The following GSG1 variants were observed in gnomAD, a reference collection of about 807,000 sequenced individuals.
GSG1 encodes germ cell associated 1.
In GSG1, 28 loss-of-function variants were observed where a neutral mutation model predicts 30.8. That is an observed-to-expected ratio of 0.91 (90% CI 0.67 to 1.25). GSG1 has a LOEUF of 1.25. GSG1 is among the 50% of genes most tolerant of loss of function. The probability of loss-of-function intolerance (pLI) is 0.00; values close to 1 mark genes in which losing one functional copy is unlikely to be tolerated. For missense variants in GSG1, 435 were observed against 444.7 expected, an observed-to-expected ratio of 0.98 and a Z score of 0.20; for synonymous variants, 162 against 178.0, an observed-to-expected ratio of 0.91 and a Z score of 0.71.
intron 5 of GSG1, 55 bp downstream of exon 5, chr12:13,087,852 G>T: frequency 6.3e-7 from 1 of 1,579,628 alleles, no homozygotes; most frequent in East Asian, 2.3e-5. Flanking sequence ...CCTCCAGCTA[G>T]GGCTTCAAAA....
At chr12:13,098,687 C>A (rs1166888258) in intron 1 of GSG1, among the ~76,000 whole-genome samples, 6 of 152,070 alleles carry the variant, frequency 3.9e-5, no homozygotes, top group African/African-American at 9.7e-5. Context: ...TGTGCTTACA[C>A]CCTTCAAATA....
intron 2 of GSG1, 81 bp downstream of exon 2, chr12:13,090,422 G>A (rs959533712): frequency 1.2e-5 from 16 of 1,356,976 alleles, no homozygotes; most frequent in Non-Finnish European, 1.6e-5. Context: ...GCCCTAAGCG[G>A]GCCTACCTGA....
intron 1 of GSG1, 69 bp from the exon 2 acceptor site, chr12:13,090,887 G>C (rs1409400601): frequency 7.4e-7 from 1 of 1,345,860 alleles, no homozygotes; most frequent in African/African-American, 1.4e-5. Context: ...CCTCGGAGAT[G>C]TGGCCATCCT....
Position 13,083,819 on chromosome 12 carries a change from A to G in GSG1, c.*1082T>C, listed in dbSNP as rs956853612. The G allele has an allele frequency of 6.6e-5, 10 of 151,874 alleles. No individual in the cohort carries two copies. The Middle Eastern group carries it at 0.014, about 208-fold the overall frequency. 9.4% of individuals were successfully genotyped at this position (151,874 alleles called of 1,614,324 possible). A position where few individuals can be genotyped will look rare whatever the true frequency, so the allele number is the denominator to read the frequency against. ...CTATCCTTGCGATAGTTTGCTCAGA[A>G]TGATGGTTTCCAGCTTCATCCATGT... On this transcript the variant is annotated 3_prime_UTR_variant, in exon 7 of 7. Coordinates refer to ENST00000651961, the MANE Select transcript of GSG1 (RefSeq NM_001080555.4).
Position 13,085,030 on chromosome 12 carries a change from A to G in GSG1, c.960T>C (p.Asn320=). ...CCTCAGAGACAGAGTGGATGGGCTG[A>G]TTATGATACTGGTGGTAGCTGGTCA... ...GPLTSYHQYH[N]QPIHSVSEGV... is the part of the protein sequence containing the mutation. The change falls in exon 7 of 7, where the codon AAT becomes AAC. Residue 320 remains asparagine (N), a synonymous_variant. Coordinates refer to ENST00000651961, the MANE Select transcript of GSG1 (RefSeq NM_001080555.4). 1 of 1,576,506 alleles carries G rather than the reference A, an allele frequency of 6.3e-7. No homozygotes were observed. Among genetic ancestry groups the G allele is most frequent in the Admixed American group, 1.9e-5 (1 of 53,252 alleles).
intron 2 of GSG1, 96 bp downstream of exon 2, chr12:13,090,407 C>T (rs1039924448): frequency 1.9e-5 from 23 of 1,189,614 alleles, no homozygotes; most frequent in African/African-American, 6.1e-5. Flanking sequence ...TCCAGGGCAA[C>T]GCCAGCCCTA....
rs1565553603 is a variant in GSG1 at position 13,101,513 on chromosome 12, G to C, written c.48+1952C>G. Among the ~76,000 whole-genome samples, 1 of 152,252 alleles carries C rather than the reference G, an allele frequency of 6.6e-6. No homozygotes were observed. The highest frequency in any genetic ancestry group is 2.4e-5 in the African/African-American group (1 of 41,476). On this transcript the variant is annotated intron_variant, in intron 1 of 6. Coordinates refer to ENST00000651961, the MANE Select transcript of GSG1 (RefSeq NM_001080555.4). This position sits in a 1 kb window ranked among gnomAD's most constrained non-coding sequence, Gnocchi z 5.8. The stretch of plus-strand genomic sequence containing the variant: ...CCAGAGAGCAGGGACTGCCAGGGCA[G>C]GCCAGGGACCCGGCGAGCCGCGGAG...
At position 13,090,756 on chromosome 12, in the gene GSG1, T is replaced by C. The variant is rs1307916739; in HGVS notation, c.111A>G (p.Leu37=). Residue 37 remains leucine (L), a synonymous_variant, in exon 2 of 7, where the codon CTA becomes CTG. Coordinates refer to ENST00000651961, the MANE Select transcript of GSG1 (RefSeq NM_001080555.4). The part of the protein sequence containing the change: ...RTLLSAILSM[L]SLSFSTTSLL... ...GGGATGTTGTGGAGAAGCTGAGTGA[T>C]AGCATGCTGAGGATGGCAGATAGGA... is the stretch of plus-strand genomic sequence containing the variant. 6.2e-7 allele frequency: 1 copy of C among 1,614,194 alleles called. No homozygotes were observed.
In GSG1 at chr12:13,093,629, G is replaced by A. The variant is rs529194054; in HGVS notation, c.49-2811C>T. On this transcript the variant is annotated intron_variant, in intron 1 of 6. Coordinates refer to ENST00000651961, the MANE Select transcript of GSG1 (RefSeq NM_001080555.4). This position sits in a 1 kb window ranked among gnomAD's most constrained non-coding sequence, Gnocchi z 4.6. ...TGGCTGTGTGGTGCCTGTGTAGGCT[G>A]GACACCAGGTTTGGTGTCCACAGAG... 1.1e-3 allele frequency among the ~76,000 whole-genome samples: 169 copies of A among 152,170 alleles called. No individual in the cohort carries two copies. Among genetic ancestry groups the A allele is most frequent in the African/African-American group, 4.0e-3 (166 of 41,506 alleles).
intron 1 of GSG1, among the ~76,000 whole-genome samples, chr12:13,102,212 G>C: frequency 6.6e-6 from 1 of 152,204 alleles, no homozygotes; most frequent in East Asian, 1.9e-4. Flanking sequence ...TTTGAGGACT[G>C]TTCGCCTGAC....
At chr12:13,088,152 C>T (rs1015502049) in intron 4 of GSG1, 93 bp from the exon 5 acceptor site, 33 of 1,363,974 alleles carry the variant, frequency 2.4e-5, no homozygotes, top group Non-Finnish European at 5.1e-6. Flanking sequence ...GAGTTAAGAC[C>T]CTAGCAGCAT....
At chr12:13,095,567 T>A in intron 1 of GSG1, 1 of 1,605,498 alleles carries the variant, frequency 6.2e-7, no homozygotes, top group Non-Finnish European at 8.5e-7. Context: ...GTAGACTGCA[T>A]CCTTTGAGCA....
At chr12:13,094,948 C>G (rs1010067311) in intron 1 of GSG1, among the ~76,000 whole-genome samples, 1 of 152,184 alleles carries the variant, frequency 6.6e-6, no homozygotes, top group East Asian at 1.9e-4. Context: ...AAGATACACC[C>G]ACTTTGTGGC....
rs1565519301 is a variant in GSG1 at position 13,085,182 on chromosome 12, T to C, written c.808A>G (p.Thr270Ala). 1.9e-6 allele frequency: 3 copies of C among 1,613,978 alleles called. No individual in the cohort carries two copies. In the South Asian group the frequency reaches 3.3e-5, roughly 18 times the overall value. The change falls in exon 7 of 7, where the codon ACC becomes GCC. Residue 270 changes from threonine (T) to alanine (A), a missense_variant. Physicochemically the swap from Thr to Ala is moderately conservative, Grantham distance 58. Coordinates refer to ENST00000651961, the MANE Select transcript of GSG1 (RefSeq NM_001080555.4). ...ASAVTTFNTY[T>A]RMVLEFKCKH... is the part of the protein sequence containing the mutation. ...CACTTGAACTCCAGCACCATCCTGG[T>C]GTACGTGTTGAAGGTGGTGACAGCC...
intron 1 of GSG1, among the ~76,000 whole-genome samples, chr12:13,099,114 T>G (rs570132043): frequency 2.0e-5 from 3 of 152,280 alleles, no homozygotes; most frequent in African/African-American, 7.2e-5. Context: ...CCAGTCTTGA[T>G]TCCCCCTCCC....
chr12:13,089,296 A>C lies in GSG1; in HGVS notation c.365-20T>G. On this transcript the variant is annotated intron_variant, in intron 2 of 6. Transcript: ENST00000651961. Reference sequence around the variant, plus strand: ...GCAGTGCTAAGTGGCACAATAATAAATATAAATGTAAATACACACATTTTT... The same window carrying C: ...GCAGTGCTAAGTGGCACAATAATAACTATAAATGTAAATACACACATTTTT... 6.4e-7 allele frequency: 1 copy of C among 1,550,950 alleles called. No individual in the cohort carries two copies. The highest frequency in any genetic ancestry group is 8.7e-7 in the Non-Finnish European group (1 of 1,146,408).
chr12:13,090,398 C>T (rs562715011), intron 2 of GSG1, 105 bp downstream of exon 2: 4 of 1,070,526 alleles, frequency 3.7e-6, no homozygotes, highest in Non-Finnish European at 4.0e-6. Context: ...TGCTGCACTT[C>T]CAGGGCAACG....
In GSG1 at chr12:13,083,675, T is replaced by C. The variant is rs1302475878; in HGVS notation, c.*1226A>G. ...TACGTTAGTATATCTCCTAATGCTA[T>C]CCCTCCCCCCTCCCCCCACCCCATG... On this transcript the variant is annotated 3_prime_UTR_variant, in exon 7 of 7. Transcript: ENST00000651961. 9.6e-6 allele frequency: 1 copy of C among 104,708 alleles called. No homozygotes were observed. The highest frequency in any genetic ancestry group is 1.9e-5 in the Non-Finnish European group (1 of 52,192). The allele number at this position is 104,708 out of a possible 1,614,324, so 6.5% of individuals were successfully genotyped here.
intron 1 of GSG1, among the ~76,000 whole-genome samples, chr12:13,102,116 A>G (rs1430426689): frequency 3.3e-5 from 5 of 152,180 alleles, no homozygotes; most frequent in East Asian, 3.9e-4. Context: ...TGGCATCCCC[A>G]TTCTACAAGT....
Sources: gnomAD v4.1 joint callset for allele counts (sites outside exome capture counted in the v4.1 genomes callset) on GRCh38, gnomAD v4.1.1 for gene constraint, Gnocchi (gnomAD v3.1) non-coding constraint, MANE v1.5 for transcripts, NCBI Gene and HGNC (gene_info 2026-07-23, HGNC 2026-07-21) for gene names.